The following ZFYVE9 variants were observed in gnomAD, a reference collection of about 807,000 sequenced individuals.
The protein encoded by ZFYVE9 is zinc finger FYVE domain-containing protein 9.
A neutral mutation model predicts 126.7 loss-of-function variants in ZFYVE9; 43 were observed. The ratio of observed to expected loss-of-function variants is 0.34; its 90% CI spans 0.27 to 0.44. The LOEUF (loss-of-function observed/expected upper bound fraction) is 0.44, where lower values mean the gene tolerates loss of function less well. ZFYVE9 is among the 20% of genes least tolerant of loss of function. The pLI, the probability that ZFYVE9 is intolerant of heterozygous loss-of-function variation, is 1.00. For synonymous variants in ZFYVE9, 521 were observed against 597.4 expected, an observed-to-expected ratio of 0.87 and a Z score of 1.87; for missense variants, 1,476 against 1,697.0, an observed-to-expected ratio of 0.87 and a Z score of 2.29.
At chr1:52,224,653 A>G (rs1187772570) in intron 2 of ZFYVE9, among the ~76,000 whole-genome samples, 2 of 152,188 alleles carry the variant, frequency 1.3e-5, no homozygotes, top group Non-Finnish European at 2.9e-5. Flanking sequence ...AAAAACAGCA[A>G]TACTTTATCA....
chr1:52,181,811 CGCCCCGTCTG>C (rs1644708057), intron 1 of ZFYVE9, among the ~76,000 whole-genome samples: 1 of 151,110 alleles, frequency 6.6e-6, no homozygotes, highest in African/African-American at 2.4e-5. Context: ...TCTGGCTGGC[CGCCCCGTCTG>C]AGAAGCGAGG....
At chr1:52,242,031 C>CTTTTTTTTT (rs975430437) in intron 4 of ZFYVE9, among the ~76,000 whole-genome samples, 4 of 106,440 alleles carry the variant, frequency 3.8e-5, no homozygotes, top group Non-Finnish European at 5.5e-5. Flanking sequence ...TCATGGCAAT[C>CTTTTTTTTT]TTTTTTTTTT....
rs1330867925 is a variant in ZFYVE9, at chr1:52,239,266, A to G, written c.1849A>G (p.Ile617Val). Residue 617 changes from isoleucine to valine, a missense_variant, in exon 4 of 19, where the codon ATT (isoleucine) becomes GTT (valine). Around this residue, in one of 2 missense-constraint regions of ZFYVE9, gnomAD observed 807 missense variants for 794.6 expected, o/e 1.02. Transcript: ENST00000287727. Reference sequence around the variant, plus strand: ...AAATAATACTAAAAATAAAAATGATATTCTTGGGAAAGCAAAATTAGGGGA... The same window carrying G: ...AAATAATACTAAAAATAAAAATGATGTTCTTGGGAAAGCAAAATTAGGGGA... The part of the protein sequence containing the change: ...SGNNTKNKND[I>V]LGKAKLGENS... 6.2e-7 allele frequency: 1 copy of G among 1,614,090 alleles called. No homozygotes were observed. Among genetic ancestry groups the G allele is most frequent in the South Asian group, 1.1e-5 (1 of 91,088 alleles).
intron 1 of ZFYVE9, among the ~76,000 whole-genome samples, chr1:52,184,305 A>G (rs1036591811): frequency 6.8e-6 from 1 of 147,988 alleles, no homozygotes; most frequent in Non-Finnish European, 1.5e-5. Flanking sequence ...GCTCACTGCA[A>G]CCTCTGCCTC....
chr1:52,264,784 TG>T (rs990535543), intron 5 of ZFYVE9, among the ~76,000 whole-genome samples: 1 of 152,226 alleles, frequency 6.6e-6, no homozygotes, highest in African/African-American at 2.4e-5. Flanking sequence ...CTTATTAACC[TG>T]TTGCATGACA....
At chr1:52,257,552 A>G (rs1040433822) in intron 4 of ZFYVE9, among the ~76,000 whole-genome samples, 2 of 152,176 alleles carry the variant, frequency 1.3e-5, no homozygotes, top group South Asian at 2.1e-4. Context: ...CTGCCATATG[A>G]TGTCAGCTGT....
Position 52,201,795 on chromosome 1 carries a change from T to C in ZFYVE9, c.-142-14574T>C, listed in dbSNP as rs1049924290. Among the ~76,000 whole-genome samples the C allele has an allele frequency of 1.6e-4, 24 of 151,918 alleles. 2 individuals carry two copies. Among genetic ancestry groups the C allele is most frequent in the African/African-American group, 5.1e-4 (21 of 41,278 alleles). On this transcript the variant is annotated intron_variant, in intron 1 of 18. Coordinates refer to ENST00000287727, the MANE Select transcript of ZFYVE9 (RefSeq NM_004799.4). ...ATTATTTTATGTATTTATTTATTTA[T>C]TTTTTTGAGATGAAGTCTTACTCTG...
intron 1 of ZFYVE9, among the ~76,000 whole-genome samples, chr1:52,169,857 T>C (rs565335868): frequency 6.6e-5 from 10 of 152,344 alleles, no homozygotes; most frequent in Admixed American, 4.6e-4. Flanking sequence ...TATCCTCTTA[T>C]TTTCAACTTG....
chr1:52,231,690 C>T (rs920830166), intron 2 of ZFYVE9, among the ~76,000 whole-genome samples: 3 of 151,912 alleles, frequency 2.0e-5, no homozygotes, highest in African/African-American at 7.2e-5. Flanking sequence ...GTGGTGCAAT[C>T]TCGGCTCACT....
chr1:52,330,014 T>G (rs1407040963), intron 13 of ZFYVE9, among the ~76,000 whole-genome samples: 1 of 121,750 alleles, frequency 8.2e-6, no homozygotes, highest in Non-Finnish European at 1.7e-5. Context: ...AGGATCAGTG[T>G]CAACCTGGAT....
intron 1 of ZFYVE9, among the ~76,000 whole-genome samples, chr1:52,148,427 G>T (rs1309498491): frequency 6.6e-6 from 1 of 151,704 alleles, no homozygotes; most frequent in Non-Finnish European, 1.5e-5. Flanking sequence ...GGCGGAGGTT[G>T]CAGTGAGCCA....
chr1:52,157,646 C>T (rs1340833169), intron 1 of ZFYVE9, among the ~76,000 whole-genome samples: 2 of 151,912 alleles, frequency 1.3e-5, no homozygotes, highest in East Asian at 1.9e-4. Context: ...TTAAGTGATC[C>T]ACCCACCTCA....
At chr1:52,334,395 T>G (rs530284248) in intron 14 of ZFYVE9, among the ~76,000 whole-genome samples, 6 of 152,308 alleles carry the variant, frequency 3.9e-5, no homozygotes, top group Admixed American at 3.3e-4. Flanking sequence ...AGGCTATAGC[T>G]TGCCAACCCC....
At chr1:52,148,687 G>T (rs1644326327) in intron 1 of ZFYVE9, among the ~76,000 whole-genome samples, 1 of 150,934 alleles carries the variant, frequency 6.6e-6, no homozygotes. Flanking sequence ...TGTTGCCCAG[G>T]CTGGAGTGCG....
At chr1:52,221,791 G>C (rs1645126666) in intron 2 of ZFYVE9, among the ~76,000 whole-genome samples, 1 of 152,192 alleles carries the variant, frequency 6.6e-6, no homozygotes, top group African/African-American at 2.4e-5. Context: ...CAGAATGGGG[G>C]CTGTTACAAG....
chr1:52,173,188 T>G (rs1332229224), intron 1 of ZFYVE9, among the ~76,000 whole-genome samples: 1 of 152,228 alleles, frequency 6.6e-6, no homozygotes, highest in Non-Finnish European at 1.5e-5. Context: ...CAATACCTAA[T>G]TTATTGAGAG....
intron 4 of ZFYVE9, among the ~76,000 whole-genome samples, chr1:52,256,757 T>G (rs965375483): frequency 7.2e-6 from 1 of 137,954 alleles, no homozygotes; most frequent in Non-Finnish European, 1.6e-5. Context: ...TGGATTTGTT[T>G]GAACTGCTTT....
At chr1:52,218,611 T>TG (rs1298564859) in intron 2 of ZFYVE9, among the ~76,000 whole-genome samples, 1 of 152,248 alleles carries the variant, frequency 6.6e-6, no homozygotes, top group Non-Finnish European at 1.5e-5. Context: ...GCCTGCCTGT[T>TG]GCACAAGCGT....
intron 1 of ZFYVE9, among the ~76,000 whole-genome samples, chr1:52,146,308 A>G (rs1395550830): frequency 1.3e-5 from 2 of 152,190 alleles, no homozygotes; most frequent in African/African-American, 2.4e-5. Flanking sequence ...AGACAACTGT[A>G]TATAATAATC....
Sources: allele counts gnomAD v4.1 joint callset (sites outside exome capture counted in the v4.1 genomes callset), GRCh38; gene constraint gnomAD v4.1.1; regional missense constraint gnomAD v4.1.1; transcripts MANE v1.5; gene names NCBI Gene and HGNC (gene_info 2026-07-23, HGNC 2026-07-21).